FHIT: variants seen among roughly 807,000 people sequenced by gnomAD.
The protein encoded by FHIT is bis(5'-adenosyl)-triphosphatase.
FHIT carries 19 observed loss-of-function variants against 17.9 expected under a neutral mutation model. The ratio of observed to expected loss-of-function variants is 1.06; its 90% CI spans 0.74 to 1.56. The LOEUF is 1.56. FHIT is among the 40% of genes most tolerant of loss of function. The pLI is 0.00. For synonymous variants in FHIT, 81 were observed against 69.7 expected, an observed-to-expected ratio of 1.16 and a Z score of -0.81; for missense variants, 248 against 189.2, an observed-to-expected ratio of 1.31 and a Z score of -1.82.
At chr3:60,787,648 G>T (rs1700627724) in intron 4 of FHIT, among the ~76,000 whole-genome samples, 1 of 152,200 alleles carries the variant, frequency 6.6e-6, no homozygotes, top group East Asian at 1.9e-4. Context: ...TGTGCATTCT[G>T]TGTTTGTGAA....
At chr3:60,001,675 T>A (rs2107501125) in intron 7 of FHIT, among the ~76,000 whole-genome samples, 1 of 152,246 alleles carries the variant, frequency 6.6e-6, no homozygotes, top group Non-Finnish European at 1.5e-5. Flanking sequence ...GCTAATGACT[T>A]TTAAGGTCAC....
At chr3:60,173,915 A>ATATATATATATATATATATATATTTTTT in intron 5 of FHIT, among the ~76,000 whole-genome samples, 2 of 66,430 alleles carry the variant, frequency 3.0e-5, no homozygotes, top group East Asian at 8.0e-4. Flanking sequence ...ATATATATAT[A>ATATATATATATATATATATATATTTTTT]TGTTTTTTTT....
Position 60,747,920 on chromosome 3 carries a change from A to G in FHIT, c.-18+73999T>C, listed in dbSNP as rs797028407. Among the ~76,000 whole-genome samples the G allele has an allele frequency of 3.3e-5, 5 of 152,354 alleles. 1 individual carries two copies. Among genetic ancestry groups the G allele is most frequent in the African/African-American group, 1.2e-4 (5 of 41,586 alleles). On this transcript the variant is annotated intron_variant, in intron 4 of 9. Coordinates refer to ENST00000492590, the MANE Select transcript of FHIT (RefSeq NM_002012.4). ...TGGGTATCCCAGGTAGAGTAAAAAC[A>G]GAAACAGAAAAAAATGTGCAAGTGC...
chr3:60,650,499 C>T (rs2039966264), intron 4 of FHIT, among the ~76,000 whole-genome samples: 1 of 152,204 alleles, frequency 6.6e-6, no homozygotes, highest in South Asian at 2.1e-4. Flanking sequence ...TAGCTTCCCC[C>T]TTCTGGACAA....
chr3:60,184,570 A>G (rs977123221), intron 5 of FHIT, among the ~76,000 whole-genome samples: 8 of 152,202 alleles, frequency 5.3e-5, no homozygotes, highest in African/African-American at 1.2e-4. Context: ...TATTATCAAC[A>G]TGACTTATCA....
At chr3:60,163,884 C>T (rs1701044486) in intron 5 of FHIT, among the ~76,000 whole-genome samples, 1 of 152,108 alleles carries the variant, frequency 6.6e-6, no homozygotes, top group Non-Finnish European at 1.5e-5. Flanking sequence ...GAATCACTTT[C>T]CTTATCTTCA....
At chr3:60,880,181 T>G (rs2107121676) in intron 3 of FHIT, among the ~76,000 whole-genome samples, 1 of 152,266 alleles carries the variant, frequency 6.6e-6, no homozygotes, top group Admixed American at 6.5e-5. Context: ...AACAGAAGAC[T>G]TTCAGCAGAA....
intron 5 of FHIT, among the ~76,000 whole-genome samples, chr3:60,178,001 C>T (rs968191402): frequency 1.3e-5 from 2 of 152,122 alleles, no homozygotes; most frequent in African/African-American, 4.8e-5. Context: ...GTCCTAGCTA[C>T]GGGAAAGTGA....
At chr3:60,438,993 C>A (rs146286124) in intron 5 of FHIT, among the ~76,000 whole-genome samples, 1 of 152,196 alleles carries the variant, frequency 6.6e-6, no homozygotes, top group African/African-American at 2.4e-5. Flanking sequence ...GAAAATAGAG[C>A]CATTGCTTCC....
intron 4 of FHIT, among the ~76,000 whole-genome samples, 186 bp from the exon 5 acceptor site, chr3:60,537,165 C>T (rs1253984859): frequency 1.3e-5 from 2 of 152,050 alleles, no homozygotes; most frequent in African/African-American, 2.4e-5. Context: ...ACTCCACTCT[C>T]CCTACCAGTG....
At chr3:60,340,264 T>C (rs563085805) in intron 5 of FHIT, among the ~76,000 whole-genome samples, 35 of 152,266 alleles carry the variant, frequency 2.3e-4, no homozygotes, top group Non-Finnish European at 4.1e-4. Flanking sequence ...AAGTTGAAGG[T>C]AAGGTCACAT....
At chr3:60,060,683 T>A (rs1280985791) in intron 5 of FHIT, among the ~76,000 whole-genome samples, 1 of 152,178 alleles carries the variant, frequency 6.6e-6, no homozygotes, top group African/African-American at 2.4e-5. Flanking sequence ...TACATGGGTG[T>A]CTTAGGCATT....
chr3:61,124,066 T>A (rs1321313309), intron 2 of FHIT, among the ~76,000 whole-genome samples: 1 of 152,130 alleles, frequency 6.6e-6, no homozygotes, highest in Admixed American at 6.6e-5. Flanking sequence ...AATAGTATCA[T>A]TACCACTGAA....
intron 4 of FHIT, among the ~76,000 whole-genome samples, chr3:60,537,904 C>G (rs967594153): frequency 1.3e-5 from 2 of 152,088 alleles, no homozygotes. Context: ...ATGGATCAAT[C>G]TACAGAAAAA....
intron 3 of FHIT, among the ~76,000 whole-genome samples, chr3:60,878,825 T>C (rs1704813767): frequency 6.6e-6 from 1 of 152,202 alleles, no homozygotes; most frequent in Admixed American, 6.5e-5. Flanking sequence ...GAACTCATCC[T>C]TTTTTATGGC....
At chr3:60,720,995 C>G (rs913530279) in intron 4 of FHIT, among the ~76,000 whole-genome samples, 1 of 152,074 alleles carries the variant, frequency 6.6e-6, no homozygotes, top group Non-Finnish European at 1.5e-5. Flanking sequence ...TATGGTAACA[C>G]GTGAAGATGA....
intron 3 of FHIT, among the ~76,000 whole-genome samples, chr3:60,937,606 C>A (rs1553773437): frequency 6.7e-6 from 1 of 149,130 alleles, no homozygotes; most frequent in East Asian, 2.0e-4. Context: ...CTCTGTCACC[C>A]AGGCTGGAGT....
chr3:60,413,614 T>C (rs1023469474), intron 5 of FHIT, among the ~76,000 whole-genome samples: 2 of 151,992 alleles, frequency 1.3e-5, no homozygotes, highest in African/African-American at 4.8e-5. Flanking sequence ...TGCCATTGGA[T>C]TTGAAAGCTG....
At chr3:60,751,418 G>A (rs1283664725) in intron 4 of FHIT, among the ~76,000 whole-genome samples, 1 of 152,084 alleles carries the variant, frequency 6.6e-6, no homozygotes, top group Non-Finnish European at 1.5e-5. Flanking sequence ...CATATATCCA[G>A]TATTTACAGA....
Sources: gnomAD v4.1 joint callset for allele counts (sites outside exome capture counted in the v4.1 genomes callset) on GRCh38, gnomAD v4.1.1 for gene constraint, MANE v1.5 for transcripts, NCBI Gene and HGNC (gene_info 2026-07-23, HGNC 2026-07-21) for gene names.